Variants in MAGI2 observed in about 807,000 individuals in gnomAD.
MAGI2 encodes the protein membrane associated guanylate kinase, WW and PDZ domain containing 2.
Under a neutral mutation model 133.3 loss-of-function variants are expected in MAGI2, and 35 were observed. The observed-to-expected ratio is 0.26, with a 90% CI of 0.20 to 0.35. The LOEUF is 0.35. Among genes scored for constraint, MAGI2 ranks in the 10% least tolerant of loss-of-function variants. The pLI is 1.00. For synonymous variants in MAGI2, 729 were observed against 710.6 expected (o/e 1.03, Z -0.41); for missense variants, 1,636 against 1,863.4 (o/e 0.88, Z 2.25).
intron 10 of MAGI2, among the ~76,000 whole-genome samples, chr7:78,220,409 T>C (rs933029518): frequency 2.0e-5 from 3 of 152,206 alleles, no homozygotes; most frequent in African/African-American, 4.8e-5. Flanking sequence ...TTCATTGTTA[T>C]GTGCCTTGGG....
intron 3 of MAGI2, among the ~76,000 whole-genome samples, chr7:78,555,301 TAA>T (rs1364691055): frequency 1.3e-5 from 2 of 152,086 alleles, no homozygotes; most frequent in Admixed American, 6.6e-5. Context: ...CCATGTCACA[TAA>T]AACTCAACCA....
At chr7:79,411,875 T>TATTCAATTGAATACTGAAATTCAATTGAA (rs969257785) in intron 1 of MAGI2, 2 of 151,952 alleles carry the variant, frequency 1.3e-5, no homozygotes, top group African/African-American at 2.4e-5. Context: ...GAATACTATA[T>TATTCAATTGAATACTGAAATTCAATTGAA]ATTCAATTGA....
intron 3 of MAGI2, among the ~76,000 whole-genome samples, chr7:78,522,308 T>A (rs1210300370): frequency 6.6e-6 from 1 of 152,200 alleles, no homozygotes; most frequent in Non-Finnish European, 1.5e-5. Flanking sequence ...GAAAAGAGAA[T>A]CATTCTTATT....
chr7:78,156,660 T>C (rs751619342), intron 16 of MAGI2, among the ~76,000 whole-genome samples: 4 of 150,994 alleles, frequency 2.6e-5, no homozygotes, highest in Non-Finnish European at 4.4e-5. Flanking sequence ...GGTCACATGG[T>C]TAGTAAGTGA....
intron 1 of MAGI2, among the ~76,000 whole-genome samples, chr7:79,214,439 A>G (rs1189015802): frequency 7.9e-6 from 1 of 125,886 alleles, no homozygotes; most frequent in African/African-American, 3.0e-5. Context: ...ATATATATAT[A>G]TATAAATATG....
intron 1 of MAGI2, among the ~76,000 whole-genome samples, chr7:79,450,919 C>A (rs945697885): frequency 4.6e-5 from 7 of 152,138 alleles, no homozygotes; most frequent in Non-Finnish European, 7.3e-5. Flanking sequence ...TTTCAAATTT[C>A]TCATAGATTT....
At chr7:78,551,035 A>G (rs1023162775) in intron 3 of MAGI2, among the ~76,000 whole-genome samples, 1 of 152,224 alleles carries the variant, frequency 6.6e-6, no homozygotes, top group African/African-American at 2.4e-5. Flanking sequence ...CTGAGAATAG[A>G]TTTAGTGAGT....
chr7:78,035,662 C>A (rs1584902555), intron 21 of MAGI2, among the ~76,000 whole-genome samples: 1 of 152,224 alleles, frequency 6.6e-6, no homozygotes, highest in Non-Finnish European at 1.5e-5. Context: ...GGCCATCTGG[C>A]CACTGGCTTC....
intron 2 of MAGI2, among the ~76,000 whole-genome samples, chr7:78,877,439 A>ATT (rs1450205292): frequency 6.6e-6 from 1 of 152,174 alleles, no homozygotes; most frequent in Non-Finnish European, 1.5e-5. Context: ...AAGAAACACA[A>ATT]TTTTTTGAGG....
At chr7:79,159,579 A>T (rs10230678) in intron 1 of MAGI2, among the ~76,000 whole-genome samples, 1 of 151,804 alleles carries the variant, frequency 6.6e-6, no homozygotes, top group Non-Finnish European at 1.5e-5. Context: ...TGGGTCTTTT[A>T]TATTAAAAAT....
chr7:78,294,050 A>T (rs1272998940), intron 9 of MAGI2, among the ~76,000 whole-genome samples: 1 of 151,388 alleles, frequency 6.6e-6, no homozygotes, highest in Non-Finnish European at 1.5e-5. Context: ...CACATTGTGC[A>T]CATGTACCCT....
rs1309603915 is a variant in MAGI2, at chr7:78,740,890, GAGA to G, written c.419-113654_419-113652del. ...ATTATTATAATATTATTTTAAACCT[GAGA>G]AGAATATTATTCTCAAGAACAGGCC... is the stretch of plus-strand genomic sequence containing the variant. On this transcript the variant is annotated intron_variant, in intron 2 of 21. Transcript: ENST00000354212. Among the ~76,000 whole-genome samples the G allele has an allele frequency of 2.6e-5, 4 of 152,254 alleles. No individual in the cohort carries two copies. In the East Asian group the frequency reaches 7.7e-4, roughly 29 times the overall value.
chr7:78,762,710 CT>C (rs1188331173), intron 2 of MAGI2, among the ~76,000 whole-genome samples: 2 of 152,096 alleles, frequency 1.3e-5, no homozygotes, highest in Non-Finnish European at 2.9e-5. Context: ...AGAATTGTAA[CT>C]AGAAAAGCAT....
At chr7:79,303,131 A>T (rs1011186179) in intron 1 of MAGI2, among the ~76,000 whole-genome samples, 1 of 152,156 alleles carries the variant, frequency 6.6e-6, no homozygotes, top group East Asian at 1.9e-4. Flanking sequence ...TTTCCTTTAA[A>T]TACCTTTCCT....
At chr7:78,473,332 AT>A (rs996794832) in intron 6 of MAGI2, among the ~76,000 whole-genome samples, 1 of 152,046 alleles carries the variant, frequency 6.6e-6, no homozygotes, top group Non-Finnish European at 1.5e-5. Flanking sequence ...GAATCTACAG[AT>A]TTTTTTGATG....
intron 3 of MAGI2, among the ~76,000 whole-genome samples, chr7:78,565,006 G>A (rs1203755550): frequency 6.6e-6 from 1 of 151,628 alleles, no homozygotes; most frequent in African/African-American, 2.4e-5. Context: ...TGTTAGCCAG[G>A]ATGGTCTTGA....
At chr7:79,439,446 A>G (rs1585987032) in intron 1 of MAGI2, among the ~76,000 whole-genome samples, 1 of 152,202 alleles carries the variant, frequency 6.6e-6, no homozygotes, top group Middle Eastern at 3.4e-3. Flanking sequence ...AGACTCCAAG[A>G]TCCACACTCT....
In MAGI2 at chr7:78,419,272, G is replaced by C. The variant is rs192262934; in HGVS notation, c.1046-50059C>G. On this transcript the variant is annotated intron_variant, in intron 6 of 21. Transcript: ENST00000354212. ...ATTTTGTTTGCCAAGAGGAACCTTG[G>C]ACAAATACTAATAAGAAAGGATGTC... Among the ~76,000 whole-genome samples the C allele has an allele frequency of 1.4e-3, 217 of 152,152 alleles. 1 individual carries two copies. The highest frequency in any genetic ancestry group is 0.013 in the Admixed American group (201 of 15,242).
At chr7:79,064,920 T>C (rs1312192480) in intron 1 of MAGI2, among the ~76,000 whole-genome samples, 2 of 152,134 alleles carry the variant, frequency 1.3e-5, no homozygotes, top group African/African-American at 4.8e-5. Context: ...GTCAGGAATG[T>C]GTACCTACAG....
Sources: allele counts gnomAD v4.1 joint callset (sites outside exome capture counted in the v4.1 genomes callset), GRCh38; gene constraint gnomAD v4.1.1; transcripts MANE v1.5; gene names NCBI Gene and HGNC (gene_info 2026-07-23, HGNC 2026-07-21).